Variants in GPR39 observed in about 807,000 individuals in gnomAD.
The protein encoded by GPR39 is G protein-coupled receptor 39.
In GPR39, 23 loss-of-function variants were observed where a neutral mutation model predicts 18.4. The ratio of observed to expected loss-of-function variants is 1.25; its 90% confidence interval spans 0.90 to 1.77. The LOEUF (loss-of-function observed/expected upper bound fraction) is 1.77. GPR39 is among the 40% of genes most tolerant of loss of function. The pLI, the probability that GPR39 is intolerant of heterozygous loss-of-function variation, is 0.00. For missense variants in GPR39, 647 were observed against 602.4 expected, an observed-to-expected ratio of 1.07 and a Z score of -0.78; for synonymous variants, 280 against 257.9, an observed-to-expected ratio of 1.09 and a Z score of -0.82.
At chr2:132,489,117 C>T (rs145903801) in intron 1 of GPR39, 66 of 234,090 alleles carry the variant, frequency 2.8e-4, no homozygotes, top group South Asian at 9.6e-4. Flanking sequence ...CACAGTCATT[C>T]CATATCCTAC....
chr2:132,634,758 G>T (rs991988791), intron 1 of GPR39, among the ~76,000 whole-genome samples: 2 of 152,144 alleles, frequency 1.3e-5, no homozygotes, highest in Non-Finnish European at 2.9e-5. Flanking sequence ...GAGGGGAAGG[G>T]CCCCCCTCAG....
intron 1 of GPR39, among the ~76,000 whole-genome samples, chr2:132,438,263 T>C (rs1680367812): frequency 6.6e-6 from 1 of 152,212 alleles, no homozygotes. Context: ...AATAGGAGGA[T>C]CCTGAGTGCT....
intron 1 of GPR39, among the ~76,000 whole-genome samples, chr2:132,620,543 C>A (rs1011882643): frequency 3.9e-5 from 6 of 152,156 alleles, no homozygotes; most frequent in African/African-American, 9.7e-5. Context: ...GCCCCTCCTT[C>A]CCCCCTGCGT....
intron 1 of GPR39, among the ~76,000 whole-genome samples, chr2:132,617,593 T>C (rs1681360085): frequency 6.6e-6 from 1 of 152,230 alleles, no homozygotes; most frequent in Admixed American, 6.5e-5. Context: ...TGTCTTTCTC[T>C]ATTGAATTCT....
chr2:132,542,339 C>T (rs1377137299), intron 1 of GPR39, among the ~76,000 whole-genome samples: 1 of 152,156 alleles, frequency 6.6e-6, no homozygotes, highest in African/African-American at 2.4e-5. Context: ...TGTCAGATGG[C>T]CATTGGCAAG....
At chr2:132,441,829 A>T (rs959274652) in intron 1 of GPR39, among the ~76,000 whole-genome samples, 1 of 152,212 alleles carries the variant, frequency 6.6e-6, no homozygotes, top group Non-Finnish European at 1.5e-5. Flanking sequence ...TATATGACTG[A>T]AAGTCACAAA....
At chr2:132,430,869 A>T (rs2104758705) in intron 1 of GPR39, among the ~76,000 whole-genome samples, 1 of 152,314 alleles carries the variant, frequency 6.6e-6, no homozygotes, top group East Asian at 1.9e-4. Context: ...GACATTGTTG[A>T]GTTCCTTCTT....
intron 1 of GPR39, among the ~76,000 whole-genome samples, chr2:132,475,288 A>G (rs1237091752): frequency 6.6e-6 from 1 of 150,712 alleles, no homozygotes; most frequent in East Asian, 1.9e-4. Context: ...GCAAAGTTCT[A>G]CAGTTCATCT....
chr2:132,594,762 G>C (rs1320540648), intron 1 of GPR39, among the ~76,000 whole-genome samples: 2 of 151,602 alleles, frequency 1.3e-5, no homozygotes, highest in African/African-American at 4.9e-5. Context: ...TCAGTGTCTG[G>C]TTGGGTTTTA....
intron 1 of GPR39, among the ~76,000 whole-genome samples, chr2:132,492,595 T>TAC (rs1681502705): frequency 7.7e-6 from 1 of 130,212 alleles, no homozygotes; most frequent in Non-Finnish European, 1.6e-5. Flanking sequence ...ACCATATATA[T>TAC]ACCATATATA....
intron 1 of GPR39, among the ~76,000 whole-genome samples, chr2:132,642,137 A>G (rs1004617299): frequency 6.6e-6 from 1 of 152,246 alleles, no homozygotes; most frequent in African/African-American, 2.4e-5. Context: ...AGTAATAAAT[A>G]TTCTGCATTA....
chr2:132,486,054 G>A (rs1443889312), intron 1 of GPR39, among the ~76,000 whole-genome samples: 3 of 152,204 alleles, frequency 2.0e-5, no homozygotes, highest in Non-Finnish European at 4.4e-5. Context: ...GTGTTAATAG[G>A]TATGAACATT....
intron 1 of GPR39, among the ~76,000 whole-genome samples, chr2:132,433,454 G>A (rs540396412): frequency 2.0e-5 from 3 of 152,050 alleles, no homozygotes; most frequent in Admixed American, 6.5e-5. Flanking sequence ...AAGTGATCTC[G>A]TGGGCTTCTC....
At chr2:132,507,352 G>A (rs1679153431) in intron 1 of GPR39, among the ~76,000 whole-genome samples, 1 of 152,128 alleles carries the variant, frequency 6.6e-6, no homozygotes, top group South Asian at 2.1e-4. Context: ...AAATAAGTAG[G>A]TAAGCCCCTG....
At chr2:132,592,516 A>T (rs143368463) in intron 1 of GPR39, among the ~76,000 whole-genome samples, 1 of 152,160 alleles carries the variant, frequency 6.6e-6, no homozygotes, top group African/African-American at 2.4e-5. Flanking sequence ...AACCACAGTA[A>T]AGACTTCATC....
intron 1 of GPR39, among the ~76,000 whole-genome samples, chr2:132,504,694 A>G (rs756225727): frequency 3.9e-5 from 6 of 152,236 alleles, no homozygotes; most frequent in Non-Finnish European, 7.3e-5. Flanking sequence ...GTGTTTGCAC[A>G]TAAAATAGAA....
chr2:132,642,022 A>G (rs1441644825), intron 1 of GPR39, among the ~76,000 whole-genome samples: 4 of 152,224 alleles, frequency 2.6e-5, no homozygotes, highest in Admixed American at 2.6e-4. Flanking sequence ...GAGAATAACT[A>G]TTTTGACCTC....
chr2:132,619,191 C>T (rs1365957748), intron 1 of GPR39, among the ~76,000 whole-genome samples: 1 of 152,196 alleles, frequency 6.6e-6, no homozygotes, highest in East Asian at 1.9e-4. Context: ...TGCACACCAA[C>T]CCTCTCTTTT....
intron 1 of GPR39, among the ~76,000 whole-genome samples, chr2:132,540,078 C>A (rs1189097601): frequency 6.6e-6 from 1 of 152,152 alleles, no homozygotes; most frequent in African/African-American, 2.4e-5. Flanking sequence ...TCCTACACCC[C>A]CTAACTCCTA....
Sources: allele counts gnomAD v4.1 joint callset (sites outside exome capture counted in the v4.1 genomes callset), GRCh38; gene constraint gnomAD v4.1.1; transcripts MANE v1.5; gene names NCBI Gene and HGNC (gene_info 2026-07-23, HGNC 2026-07-21).